RPS6KC1: variants seen among roughly 807,000 people sequenced by gnomAD.
RPS6KC1 encodes the protein inactive ribosomal protein S6 kinase delta-1.
A neutral mutation model predicts 103.8 loss-of-function variants in RPS6KC1; 54 were observed. The observed-to-expected ratio is 0.52, with a 90% confidence interval of 0.42 to 0.65. The LOEUF is 0.65. RPS6KC1 is among the 30% of genes least tolerant of loss of function. The probability of loss-of-function intolerance (pLI) is 0.00; values close to 1 mark genes in which losing one functional copy is unlikely to be tolerated. For missense variants in RPS6KC1, 1,151 were observed against 1,253.8 expected, an observed-to-expected ratio of 0.92 and a Z score of 1.24; for synonymous variants, 439 against 438.7, an observed-to-expected ratio of 1.00 and a Z score of -0.01.
chr1:213,847,723 C>A, the RPS6KC1 span, among the ~76,000 whole-genome samples: 2 of 152,092 alleles, frequency 1.3e-5, no homozygotes, highest in Non-Finnish European at 2.9e-5. Context: ...GTCTATGGTA[C>A]CCCCTACTTT....
At chr1:213,728,525 C>T in the RPS6KC1 span, among the ~76,000 whole-genome samples, 4 of 152,150 alleles carry the variant, frequency 2.6e-5, no homozygotes, top group South Asian at 4.1e-4. Flanking sequence ...AGGATCTTCA[C>T]CTTTCTGTGC....
the RPS6KC1 span, among the ~76,000 whole-genome samples, chr1:213,445,712 C>A: frequency 4.6e-5 from 7 of 152,188 alleles, no homozygotes; most frequent in Admixed American, 2.6e-4. Flanking sequence ...GCCGAGGAAG[C>A]CACACCCTCG....
the RPS6KC1 span, among the ~76,000 whole-genome samples, chr1:213,738,104 A>G: frequency 6.6e-6 from 1 of 152,220 alleles, no homozygotes; most frequent in South Asian, 2.1e-4. Context: ...TTGTCCTAAA[A>G]ACAACCAGAC....
the RPS6KC1 span, among the ~76,000 whole-genome samples, chr1:213,778,651 C>T: frequency 1.3e-5 from 2 of 152,022 alleles, no homozygotes; most frequent in South Asian, 2.1e-4. Flanking sequence ...GCACAAGACC[C>T]ACACATACTA....
the RPS6KC1 span, among the ~76,000 whole-genome samples, chr1:213,453,405 C>T: frequency 6.6e-6 from 1 of 151,850 alleles, no homozygotes; most frequent in Non-Finnish European, 1.5e-5. Context: ...CCTTGTGGGG[C>T]CACCAAATGG....
chr1:213,387,347 G>A, the RPS6KC1 span, among the ~76,000 whole-genome samples: 3 of 152,216 alleles, frequency 2.0e-5, no homozygotes, highest in Non-Finnish European at 4.4e-5. Context: ...CATTGTAATT[G>A]CCTGACTTCC....
the RPS6KC1 span, among the ~76,000 whole-genome samples, chr1:213,698,227 C>T: frequency 2.0e-5 from 3 of 152,236 alleles, no homozygotes; most frequent in African/African-American, 2.4e-5. Context: ...TATTGGTAAA[C>T]GTATTTAATG....
chr1:213,839,732 A>G, the RPS6KC1 span: 1 of 152,046 alleles, frequency 6.6e-6, no homozygotes. Flanking sequence ...CAGGCTGTCC[A>G]CTTACTGCCT....
At chr1:213,565,777 T>C in the RPS6KC1 span, among the ~76,000 whole-genome samples, 2 of 152,134 alleles carry the variant, frequency 1.3e-5, no homozygotes, top group Non-Finnish European at 2.9e-5. Context: ...ACTTCATTAA[T>C]GAAATCCTTG....
At chr1:213,603,865 A>T in the RPS6KC1 span, among the ~76,000 whole-genome samples, 103 of 152,238 alleles carry the variant, frequency 6.8e-4, no homozygotes, top group African/African-American at 2.3e-3. Context: ...GTCTCAAAAA[A>T]AGAAAAACAA....
Position 213,178,241 on chromosome 1 carries a change from T to TA in RPS6KC1, c.1044+1758dup, listed in dbSNP as rs1393839011. On this transcript the variant is annotated intron_variant, in intron 8 of 14. Coordinates refer to ENST00000366960, the MANE Select transcript of RPS6KC1 (RefSeq NM_012424.6). ...AATAAATAAATAAATATCAAGTCTT[T>TA]AAAAAAAAAGGAAAAATGCTGGGTG... Among the ~76,000 whole-genome samples the TA allele has an allele frequency of 2.7e-3, 398 of 145,804 alleles. 4 individuals are homozygous for TA. The highest frequency in any genetic ancestry group is 9.5e-3 in the African/African-American group (378 of 39,636).
At chr1:213,518,050 A>C in the RPS6KC1 span, among the ~76,000 whole-genome samples, 2 of 152,156 alleles carry the variant, frequency 1.3e-5, no homozygotes, top group Non-Finnish European at 2.9e-5. Context: ...TAGGATTGCA[A>C]CCCCAGAAAG....
the RPS6KC1 span, among the ~76,000 whole-genome samples, chr1:213,734,563 A>G: frequency 6.6e-6 from 1 of 152,202 alleles, no homozygotes; most frequent in Admixed American, 6.5e-5. Flanking sequence ...TCTCCTCTTT[A>G]TTAAGGCTGT....
the RPS6KC1 span, among the ~76,000 whole-genome samples, chr1:213,498,442 GTTTTC>G: frequency 1.3e-5 from 2 of 151,280 alleles, no homozygotes; most frequent in South Asian, 2.1e-4. Context: ...ATAGAAGTAT[GTTTTC>G]TTTTCTTTTC....
At chr1:213,122,923 T>A (rs1181097354) in intron 5 of RPS6KC1, among the ~76,000 whole-genome samples, 2 of 152,146 alleles carry the variant, frequency 1.3e-5, no homozygotes, top group Admixed American at 1.3e-4. Flanking sequence ...CACATGACAC[T>A]GATGATAAAT....
the RPS6KC1 span, among the ~76,000 whole-genome samples, chr1:213,334,653 C>T: frequency 2.0e-5 from 3 of 152,184 alleles, no homozygotes; most frequent in Non-Finnish European, 2.9e-5. Context: ...TGCAAGGGCT[C>T]CTCCCAGGGC....
At chr1:213,178,187 A>T (rs2148322992) in intron 8 of RPS6KC1, among the ~76,000 whole-genome samples, 1 of 15,364 alleles carries the variant, frequency 6.5e-5, no homozygotes, top group Non-Finnish European at 1.7e-4. Flanking sequence ...CTCTGTCTCA[A>T]AATAAATAAA....
At chr1:213,304,730 G>A in the RPS6KC1 span, among the ~76,000 whole-genome samples, 3 of 151,942 alleles carry the variant, frequency 2.0e-5, no homozygotes, top group South Asian at 6.3e-4. Flanking sequence ...TAGTAGGGAT[G>A]GGGTTTCTCC....
chr1:213,683,465 C>G, the RPS6KC1 span, among the ~76,000 whole-genome samples: 1 of 152,166 alleles, frequency 6.6e-6, no homozygotes, highest in Non-Finnish European at 1.5e-5. Context: ...CAGGCTAGTA[C>G]TCTTTTCACA....
Sources: gnomAD v4.1 joint callset for allele counts (sites outside exome capture counted in the v4.1 genomes callset) on GRCh38, gnomAD v4.1.1 for gene constraint, MANE v1.5 for transcripts, NCBI Gene and HGNC (gene_info 2026-07-23, HGNC 2026-07-21) for gene names.